The following AUTS2 variants were observed in gnomAD, a reference collection of about 807,000 sequenced individuals.
The protein encoded by AUTS2 is activator of transcription and developmental regulator AUTS2, also known as autism susceptibility gene 2 protein.
A neutral mutation model predicts 112.4 loss-of-function variants in AUTS2; 17 were observed. That is an observed-to-expected ratio of 0.15 (90% CI 0.10 to 0.23). The LOEUF (loss-of-function observed/expected upper bound fraction) is 0.23. AUTS2 is among the 10% of genes least tolerant of loss of function. The pLI is 1.00. For missense variants in AUTS2, 1,510 were observed against 1,701.6 expected (o/e 0.89, Z 1.98); for synonymous variants, 751 against 702.7 (o/e 1.07, Z -1.09).
intron 3 of AUTS2, among the ~76,000 whole-genome samples, chr7:70,129,901 T>TA (rs1554319605): frequency 1.4e-4 from 21 of 147,316 alleles, no homozygotes; most frequent in African/African-American, 2.5e-4. Flanking sequence ...TATATATATA[T>TA]TGTGTGTGTG....
At chr7:70,286,190 G>A (rs915084682) in intron 4 of AUTS2, among the ~76,000 whole-genome samples, 7 of 152,206 alleles carry the variant, frequency 4.6e-5, no homozygotes, top group East Asian at 3.9e-4. Context: ...CATTGGCAGC[G>A]TAAAAATGGG....
intron 5 of AUTS2, among the ~76,000 whole-genome samples, chr7:70,442,566 C>A (rs1034889853): frequency 6.6e-6 from 1 of 152,200 alleles, no homozygotes; most frequent in African/African-American, 2.4e-5. Flanking sequence ...TCTCGGTTCA[C>A]TGAACCCTCC....
At chr7:69,972,999 G>C (rs1797917413) in intron 2 of AUTS2, among the ~76,000 whole-genome samples, 2 of 151,832 alleles carry the variant, frequency 1.3e-5, no homozygotes. Flanking sequence ...CCGGTGTTTT[G>C]ATAAGAATTG....
intron 2 of AUTS2, among the ~76,000 whole-genome samples, chr7:69,953,966 T>C (rs927243255): frequency 2.6e-5 from 4 of 152,168 alleles, no homozygotes; most frequent in Non-Finnish European, 5.9e-5. Flanking sequence ...TATTCCCTTA[T>C]GATTTCCTCT....
chr7:70,424,638 G>A (rs906848533), intron 4 of AUTS2, among the ~76,000 whole-genome samples: 20 of 152,086 alleles, frequency 1.3e-4, no homozygotes, highest in African/African-American at 4.8e-4. Flanking sequence ...CCAGGCTAGA[G>A]CACAATGACA....
intron 1 of AUTS2, among the ~76,000 whole-genome samples, chr7:69,645,890 A>T (rs1794998345): frequency 1.3e-5 from 2 of 152,008 alleles, no homozygotes; most frequent in South Asian, 4.2e-4. Context: ...ATTGAAAAGG[A>T]GGAGACCCAA....
At chr7:70,384,823 A>G (rs1208487167) in intron 4 of AUTS2, among the ~76,000 whole-genome samples, 1 of 152,144 alleles carries the variant, frequency 6.6e-6, no homozygotes, top group African/African-American at 2.4e-5. Context: ...TATCTTTCAT[A>G]TCCCCCACTG....
rs1791846644 is a variant in AUTS2 at position 70,790,471 on chromosome 7, C to G, written c.3255C>G (p.His1085Gln). Residue 1085 changes from histidine (H) to glutamine (Q), a missense_variant, in exon 19 of 19, where the codon CAC becomes CAG. Transcript: ENST00000342771. The surrounding 1 kb of genome is among the most constrained non-coding windows in gnomAD (Gnocchi z 7.6). ...ATCCTTACCGAGAACTTGACATTCA[C>G]CGGAGAGACCCGCTGGGCAGGGACT... ...LRDPYRELDIHRRDPLGRDFL... is the reference protein window; with the variant it reads ...LRDPYRELDIQRRDPLGRDFL... The G allele has an allele frequency of 6.2e-7, 1 of 1,612,346 alleles. No individual in the cohort carries two copies. Among genetic ancestry groups the G allele is most frequent in the African/African-American group, 1.3e-5 (1 of 75,020 alleles).
At chr7:70,080,813 T>C (rs1386719724) in intron 2 of AUTS2, among the ~76,000 whole-genome samples, 1 of 152,170 alleles carries the variant, frequency 6.6e-6, no homozygotes, top group Non-Finnish European at 1.5e-5. Context: ...GAAGTCAGGA[T>C]TTTAAATGCC....
In AUTS2 at chr7:69,600,297, C is replaced by A. The variant is rs183009839; in HGVS notation, c.309+335C>A. Among the ~76,000 whole-genome samples, 567 of 152,202 alleles carry A rather than the reference C, an allele frequency of 3.7e-3. 2 individuals are homozygous for A. Among genetic ancestry groups the A allele is most frequent in the Middle Eastern group, 0.01 (3 of 294 alleles). ...CTCTCCACAGAGAGCTCTGCCCCCA[C>A]TCCTTCCTCCTCTCCCTCCCCAATC... On this transcript the variant is annotated intron_variant, in intron 1 of 18. Transcript: ENST00000342771.
intron 4 of AUTS2, among the ~76,000 whole-genome samples, chr7:70,306,320 T>C (rs914726765): frequency 1.3e-5 from 2 of 152,200 alleles, no homozygotes; most frequent in South Asian, 2.1e-4. Flanking sequence ...ACTGGTCTTA[T>C]GGTTACAGCA....
chr7:70,118,081 A>T (rs1377527049), intron 2 of AUTS2, 51 bp from the exon 3 acceptor site: 1 of 1,549,720 alleles, frequency 6.5e-7, no homozygotes, highest in Non-Finnish European at 8.7e-7. Flanking sequence ...AACAGGAACT[A>T]AGAAGCAGAC....
chr7:70,463,072 T>C (rs777923735), intron 5 of AUTS2, among the ~76,000 whole-genome samples: 1 of 152,154 alleles, frequency 6.6e-6, no homozygotes, highest in Non-Finnish European at 1.5e-5. Context: ...ATACTTTCAC[T>C]AGAAAGCCGT....
chr7:69,636,784 G>C (rs940605441), intron 1 of AUTS2, among the ~76,000 whole-genome samples: 2 of 148,610 alleles, frequency 1.3e-5, no homozygotes, highest in Admixed American at 1.3e-4. Flanking sequence ...ATTTTTTTTT[G>C]AGACGGAGTC....
At position 70,580,461 on chromosome 7, in the gene AUTS2, C is replaced by G. The variant is rs183859828; in HGVS notation, c.691-118108C>G. ...AAGTAGGTCAGAAAGAGGGCAGTCTCTAGTAGGAGGGGACACAGACTTATT... is the reference window on the plus strand; with the variant it reads ...AAGTAGGTCAGAAAGAGGGCAGTCTGTAGTAGGAGGGGACACAGACTTATT... On this transcript the variant is annotated intron_variant, in intron 5 of 18. Coordinates refer to ENST00000342771, the MANE Select transcript of AUTS2 (RefSeq NM_015570.4). Among the ~76,000 whole-genome samples, 6 of 152,272 alleles carry G rather than the reference C, an allele frequency of 3.9e-5. No homozygotes were observed. The East Asian group carries it at 1.2e-3, about 29-fold the overall frequency.
intron 2 of AUTS2, among the ~76,000 whole-genome samples, chr7:69,915,115 A>G (rs1449174221): frequency 1.3e-5 from 2 of 152,208 alleles, no homozygotes; most frequent in African/African-American, 4.8e-5. Context: ...CTTAACAACA[A>G]GTGAGGCTGA....
chr7:69,883,124 A>G (rs1365514360), intron 1 of AUTS2, among the ~76,000 whole-genome samples: 7 of 152,162 alleles, frequency 4.6e-5, no homozygotes, highest in African/African-American at 1.7e-4. Context: ...TCTCGGACTC[A>G]GATGTAACCG....
At chr7:70,781,780 G>T in intron 15 of AUTS2, 24 bp downstream of exon 15, 1 of 1,610,882 alleles carries the variant, frequency 6.2e-7, no homozygotes, top group Non-Finnish European at 8.5e-7. Flanking sequence ...TGGGTGGGGG[G>T]ACAGAGCTGA....
At chr7:70,206,980 A>G (rs958253570) in intron 4 of AUTS2, among the ~76,000 whole-genome samples, 7 of 152,210 alleles carry the variant, frequency 4.6e-5, no homozygotes, top group African/African-American at 1.7e-4. Context: ...GAATCAGCAG[A>G]TACTTACATT....
Sources: allele counts gnomAD v4.1 joint callset (sites outside exome capture counted in the v4.1 genomes callset), GRCh38; gene constraint gnomAD v4.1.1; non-coding constraint Gnocchi (gnomAD v3.1); transcripts MANE v1.5; gene names NCBI Gene and HGNC (gene_info 2026-07-23, HGNC 2026-07-21).